Variants in KCNAB1 observed in about 807,000 individuals in gnomAD.
KCNAB1 encodes voltage-gated potassium channel subunit beta-1.
KCNAB1 carries 35 observed loss-of-function variants against 64.6 expected under a neutral mutation model. The observed-to-expected ratio is 0.54, with a 90% CI of 0.41 to 0.72. KCNAB1 has a LOEUF of 0.72. Among genes scored for constraint, KCNAB1 ranks in the 30% least tolerant of loss-of-function variants. KCNAB1 has a pLI of 0.00. For synonymous variants in KCNAB1, 177 were observed against 183.8 expected (o/e 0.96, Z 0.30); for missense variants, 401 against 512.9 (o/e 0.78, Z 2.11).
intron 12 of KCNAB1, among the ~76,000 whole-genome samples, chr3:156,525,717 T>C (rs1481744494): frequency 6.6e-6 from 1 of 152,230 alleles, no homozygotes; most frequent in Non-Finnish European, 1.5e-5. Flanking sequence ...GGTTTCACCA[T>C]GTTGGTCAGG....
At chr3:156,127,540 T>A (rs1713729296) in intron 1 of KCNAB1, among the ~76,000 whole-genome samples, 1 of 152,230 alleles carries the variant, frequency 6.6e-6, no homozygotes, top group African/African-American at 2.4e-5. Context: ...GACCACTGAA[T>A]GATTGGGCTA....
intron 1 of KCNAB1, among the ~76,000 whole-genome samples, chr3:156,314,045 A>G (rs1722111360): frequency 6.6e-6 from 1 of 152,190 alleles, no homozygotes; most frequent in African/African-American, 2.4e-5. Flanking sequence ...ATTTTCTGCT[A>G]GGCATAATTA....
chr3:156,480,188 T>C (rs1042322892), intron 8 of KCNAB1, among the ~76,000 whole-genome samples: 1 of 152,146 alleles, frequency 6.6e-6, no homozygotes, highest in African/African-American at 2.4e-5. Context: ...TTTTATTATC[T>C]TCCCTGAAAG....
intron 1 of KCNAB1, among the ~76,000 whole-genome samples, chr3:156,122,186 AG>A (rs11333175): frequency 0.63 from 95,395 of 151,876 alleles, 30,243 homozygotes; most frequent in Admixed American, 0.74. Context: ...CCAAAGGAAA[AG>A]TAGTCTCGTT....
At chr3:156,379,704 T>C (rs1363320982) in intron 1 of KCNAB1, among the ~76,000 whole-genome samples, 1 of 152,048 alleles carries the variant, frequency 6.6e-6, no homozygotes. Context: ...TGGAGGGAAA[T>C]GGGACTTCAC....
intron 1 of KCNAB1, among the ~76,000 whole-genome samples, chr3:156,229,172 A>T (rs1026153101): frequency 6.6e-6 from 1 of 152,200 alleles, no homozygotes; most frequent in African/African-American, 2.4e-5. Context: ...ATAAAGAAAT[A>T]CCTGAGACTG....
intron 1 of KCNAB1, among the ~76,000 whole-genome samples, chr3:156,148,451 C>A (rs1156269477): frequency 6.6e-6 from 1 of 152,202 alleles, no homozygotes; most frequent in African/African-American, 2.4e-5. Context: ...AACCAAAGAG[C>A]AAGTAGGAAC....
chr3:156,157,415 G>A (rs1196644136), intron 1 of KCNAB1, among the ~76,000 whole-genome samples: 2 of 152,096 alleles, frequency 1.3e-5, no homozygotes, highest in African/African-American at 2.4e-5. Context: ...TACTTATAAA[G>A]CTGGATTATT....
intron 8 of KCNAB1, among the ~76,000 whole-genome samples, chr3:156,512,804 C>T (rs1717299925): frequency 6.6e-6 from 1 of 152,204 alleles, no homozygotes; most frequent in East Asian, 1.9e-4. Context: ...TAGAGTCTTT[C>T]TCCAAGAAAA....
intron 8 of KCNAB1, among the ~76,000 whole-genome samples, chr3:156,495,490 C>A (rs2720283): frequency 1.3e-5 from 2 of 152,072 alleles, no homozygotes; most frequent in South Asian, 2.1e-4. Context: ...AAATACCCAC[C>A]AGTGATAGAC....
At chr3:156,442,357 C>A (rs1717063946) in intron 2 of KCNAB1, among the ~76,000 whole-genome samples, 1 of 152,174 alleles carries the variant, frequency 6.6e-6, no homozygotes, top group South Asian at 2.1e-4. Context: ...CACATCCCCA[C>A]CGTTCATCCT....
At chr3:156,460,103 AG>A (rs1309707007) in intron 5 of KCNAB1, 24 of 456,976 alleles carry the variant, frequency 5.3e-5, no homozygotes, top group Non-Finnish European at 7.3e-5. Context: ...TGAGCAGAGA[AG>A]GGGGGGATGT....
chr3:156,274,758 G>A (rs1374945086), intron 1 of KCNAB1, among the ~76,000 whole-genome samples: 2 of 152,146 alleles, frequency 1.3e-5, no homozygotes, highest in Non-Finnish European at 2.9e-5. Flanking sequence ...TACATTTAAG[G>A]TGTATAACTT....
In KCNAB1 at chr3:156,171,782, G is replaced by C. The variant is rs186808386; in HGVS notation, c.275+50896G>C. ...AGTACATAACCAACTCTCTTCTCTG[G>C]ACAGTCAGTTTCTGAAAATTTCTTT... On this transcript the variant is annotated intron_variant, in intron 1 of 13. Coordinates refer to ENST00000490337, the MANE Select transcript of KCNAB1 (RefSeq NM_172160.3). 2.3e-3 allele frequency among the ~76,000 whole-genome samples: 344 copies of C among 152,248 alleles called. 1 individual carries two copies. The highest frequency in any genetic ancestry group is 7.8e-3 in the African/African-American group (325 of 41,534).
intron 5 of KCNAB1, among the ~76,000 whole-genome samples, chr3:156,463,227 G>T (rs1039623423): frequency 6.6e-6 from 1 of 152,166 alleles, no homozygotes; most frequent in Non-Finnish European, 1.5e-5. Context: ...GCAGAGTGGA[G>T]TCCTCCTGGG....
chr3:156,225,088 A>C lies in KCNAB1; in HGVS notation c.275+104202A>C, dbSNP rs148829393. Among the ~76,000 whole-genome samples, 1,494 of 152,264 alleles carry C rather than the reference A, an allele frequency of 9.8e-3. 22 individuals carry two copies. Among genetic ancestry groups the C allele is most frequent in the African/African-American group, 0.034 (1,429 of 41,542 alleles). On this transcript the variant is annotated intron_variant, in intron 1 of 13. Coordinates refer to ENST00000490337, the MANE Select transcript of KCNAB1 (RefSeq NM_172160.3). ...CATTCTAGGAAGCCAGAATCACCCTAATACCAAAACCAGGGAAAGACATAA... is the reference window on the plus strand; with the variant it reads ...CATTCTAGGAAGCCAGAATCACCCTCATACCAAAACCAGGGAAAGACATAA...
In KCNAB1 at chr3:156,515,091, C is replaced by G. The variant is rs1200218518; in HGVS notation, c.745-9C>G. 4 of 1,592,330 alleles carry G rather than the reference C, an allele frequency of 2.5e-6. No individual in the cohort carries two copies. Among genetic ancestry groups the G allele is most frequent in the Non-Finnish European group, 3.4e-6 (4 of 1,171,864 alleles). On this transcript the variant is annotated splice_polypyrimidine_tract_variant and intron_variant, in intron 9 of 13. Transcript: ENST00000490337. ...GTATAAATTTGGTTGTAATCTCATT[C>G]CTCCCTAGGAAGCCTATTCTGTAGC...
intron 2 of KCNAB1, among the ~76,000 whole-genome samples, chr3:156,440,217 A>G (rs1351881141): frequency 6.6e-6 from 1 of 152,250 alleles, no homozygotes; most frequent in Non-Finnish European, 1.5e-5. Flanking sequence ...GTATTTGAGA[A>G]CAATTCAAAA....
chr3:156,151,915 G>A lies in KCNAB1; in HGVS notation c.275+31029G>A, dbSNP rs140929487. 5.1e-3 allele frequency among the ~76,000 whole-genome samples: 784 copies of A among 152,238 alleles called. 3 individuals are homozygous for A. Among genetic ancestry groups the A allele is most frequent in the Non-Finnish European group, 8.7e-3 (591 of 68,018 alleles). The stretch of plus-strand genomic sequence containing the variant: ...TATCTTTTAGGTCTCCTTCAATCTG[G>A]AACAGTTCAGGAGAAATTAATTTTA... On this transcript the variant is annotated intron_variant, in intron 1 of 13. Transcript: ENST00000490337.
Sources: allele counts gnomAD v4.1 joint callset (sites outside exome capture counted in the v4.1 genomes callset), GRCh38; gene constraint gnomAD v4.1.1; transcripts MANE v1.5; gene names NCBI Gene and HGNC (gene_info 2026-07-23, HGNC 2026-07-21).